SIGLEC9: variants seen among roughly 807,000 people sequenced by gnomAD.
SIGLEC9 encodes the protein sialic acid-binding Ig-like lectin 9.
Under a neutral mutation model 38.3 loss-of-function variants are expected in SIGLEC9, and 26 were observed. The ratio of observed to expected loss-of-function variants is 0.68; its 90% CI spans 0.50 to 0.94. SIGLEC9 has a LOEUF of 0.94. Ranked by LOEUF, SIGLEC9 falls within the 40% of genes least tolerant of loss-of-function variation. The probability of loss-of-function intolerance (pLI) is 0.00; values close to 1 mark genes in which losing one functional copy is unlikely to be tolerated. For missense variants in SIGLEC9, 556 were observed against 585.7 expected, an observed-to-expected ratio of 0.95 and a Z score of 0.52; for synonymous variants, 236 against 248.0, an observed-to-expected ratio of 0.95 and a Z score of 0.45.
At chr19:51,128,540 A>C in intron 6 of SIGLEC9, 30 bp downstream of exon 6, 2 of 1,602,158 alleles carry the variant, frequency 1.2e-6, no homozygotes, top group Non-Finnish European at 1.7e-6. Context: ...CACAGCCAGC[A>C]TGTAGCCTGG....
At chr19:51,127,616 A>T (rs908603249) in intron 4 of SIGLEC9, among the ~76,000 whole-genome samples, 1 of 152,130 alleles carries the variant, frequency 6.6e-6, no homozygotes, top group East Asian at 1.9e-4. Context: ...GCATCAAATT[A>T]AAAAAAAGAA....
At chr19:51,125,471 GC>G in intron 1 of SIGLEC9, 76 bp downstream of exon 1, 2 of 1,547,430 alleles carry the variant, frequency 1.3e-6, no homozygotes, top group South Asian at 2.5e-5. Flanking sequence ...TGGAGCCCCT[GC>G]CCCAGGAGAG....
At position 51,125,004 on chromosome 19, in the gene SIGLEC9, G is replaced by A; in HGVS notation, c.30G>A (p.Trp10Ter). 8 of 1,611,076 alleles carry A rather than the reference G, an allele frequency of 5.0e-6. No individual in the cohort carries two copies. The highest frequency in any genetic ancestry group is 6.8e-6 in the Non-Finnish European group (8 of 1,178,084). The change falls in exon 1 of 7, where the codon TGG becomes TGA. Residue 10 changes from tryptophan to a stop codon, truncating the protein, a stop_gained. Transcript: ENST00000250360. LOFTEE classifies it high-confidence loss of function. ...TGCTGCTGCTGCTGCCCCTGCTCTG[G>A]GGGAGGGAGAGGGCGGAAGGACAGA... is the stretch of plus-strand genomic sequence containing the variant. MLLLLLPLLWGRERAEGQTS... is the reference protein window; with the variant it reads MLLLLLPLL
chr19:51,128,657 T>C (rs1403122216), intron 6 of SIGLEC9, 147 bp downstream of exon 6: 2 of 704,472 alleles, frequency 2.8e-6, no homozygotes, highest in East Asian at 2.8e-5. Flanking sequence ...CAATGTTTGG[T>C]TGGTTTCCTC....
intron 6 of SIGLEC9, among the ~76,000 whole-genome samples, chr19:51,129,198 G>C (rs1016765822): frequency 1.4e-5 from 2 of 137,986 alleles, no homozygotes; most frequent in Non-Finnish European, 3.0e-5. Context: ...TTGCTCTGTC[G>C]CCCAGGCTGG....
downstream of SIGLEC9, among the ~76,000 whole-genome samples, chr19:51,131,185 T>C (rs548869478): frequency 1.3e-4 from 20 of 152,296 alleles, no homozygotes; most frequent in Middle Eastern, 0.017. Flanking sequence ...GCAGTAGCCC[T>C]GATAGGAAGA....
rs145816740 is a variant in SIGLEC9 at position 51,128,583 on chromosome 19, C to G, written c.1203+73C>G. 2.0e-4 allele frequency: 281 copies of G among 1,374,472 alleles called. 1 individual carries two copies. In the African/African-American group the frequency reaches 3.8e-3, roughly 19 times the overall value. The allele number at this position is 1,374,472 out of a possible 1,614,324, so 85.1% of individuals were successfully genotyped here. On this transcript the variant is annotated intron_variant, in intron 6 of 6. Coordinates refer to ENST00000250360, the MANE Select transcript of SIGLEC9 (RefSeq NM_014441.3). Reference sequence around the variant, plus strand: ...CCACAGGATGACCCCCAGGACTAATCAGCTGGGCGTAGCCAAAGTTACCTC... The same window carrying G: ...CCACAGGATGACCCCCAGGACTAATGAGCTGGGCGTAGCCAAAGTTACCTC...
chr19:51,132,044 T>A (rs535414799), downstream of SIGLEC9, among the ~76,000 whole-genome samples: 32 of 152,186 alleles, frequency 2.1e-4, no homozygotes, highest in Non-Finnish European at 3.8e-4. Context: ...GGTCCCGGGA[T>A]TGGATCCCTC....
At chr19:51,135,350 G>A (rs1329808018) in intron 6 of SIGLEC9, among the ~76,000 whole-genome samples, 1 of 152,068 alleles carries the variant, frequency 6.6e-6, no homozygotes, top group Non-Finnish European at 1.5e-5. Flanking sequence ...AGTTTGGCAG[G>A]GTATGAAAAT....
Position 51,127,033 on chromosome 19 carries a change from CCA to C in SIGLEC9, c.755_756del (p.Thr252SerfsTer23), listed in dbSNP as rs1448461934. On this transcript the variant is annotated frameshift_variant, in exon 4 of 7. Coordinates refer to ENST00000250360, the MANE Select transcript of SIGLEC9 (RefSeq NM_014441.3). LOFTEE classifies it high-confidence loss of function. ...CCCTCTGTCTCTTTTTCTACAGTAT[CCA>C]CAGTCTTGGGAAATGGCTCATCTCT... 1 of 1,613,852 alleles carries C rather than the reference CCA, an allele frequency of 6.2e-7. No homozygotes were observed. Among genetic ancestry groups the C allele is most frequent in the South Asian group, 1.1e-5 (1 of 91,068 alleles).
chr19:51,131,785 G>A (rs979635095), downstream of SIGLEC9, among the ~76,000 whole-genome samples: 3 of 151,666 alleles, frequency 2.0e-5, no homozygotes, highest in Non-Finnish European at 2.9e-5. Flanking sequence ...GCGAGGTGGC[G>A]TATGCCTGTA....
At chr19:51,128,106 C>A in intron 5 of SIGLEC9, 67 bp downstream of exon 5, 1 of 1,324,682 alleles carries the variant, frequency 7.5e-7, no homozygotes, top group Non-Finnish European at 1.1e-6. Flanking sequence ...AAGCTGGATC[C>A]CTGAAGCCAG....
At chr19:51,129,138 C>CTTTTTTTTTTTTTTTTT (rs1220098385) in intron 6 of SIGLEC9, among the ~76,000 whole-genome samples, 1 of 142,664 alleles carries the variant, frequency 7.0e-6, no homozygotes. Context: ...CACATTCTGA[C>CTTTTTTTTTTTTTTTTT]TTTTTTTGTT....
At position 51,125,216 on chromosome 19, in the gene SIGLEC9, G is replaced by T. The variant is rs151265101; in HGVS notation, c.242G>T (p.Arg81Leu). The T allele has an allele frequency of 1.2e-6, 2 of 1,614,092 alleles. No homozygotes were observed. Among genetic ancestry groups the T allele is most frequent in the Admixed American group, 3.3e-5 (2 of 60,016 alleles). The change falls in exon 1 of 7, where the codon CGG becomes CTG. Residue 81 changes from arginine to leucine, a missense_variant. By Grantham distance (102) the Arg-to-Leu change is moderately radical. Coordinates refer to ENST00000250360, the MANE Select transcript of SIGLEC9 (RefSeq NM_014441.3). The stretch of plus-strand genomic sequence containing the variant: ...CCAGTGGCCACAAACAACCCAGCTC[G>T]GGCAGTGTGGGAGGAGACTCGGGAC... ...DAPVATNNPA[R>L]AVWEETRDRF... is the part of the protein sequence containing the mutation.
In SIGLEC9 at chr19:51,125,261, A is replaced by T. The variant is rs780173710; in HGVS notation, c.287A>T (p.Asp96Val). ...CGGGACCGATTCCACCTCCTTGGGG[A>T]CCCACATACCAAGAATTGCACCCTG... is the stretch of plus-strand genomic sequence containing the variant. ...ETRDRFHLLG[D>V]PHTKNCTLSI... Residue 96 changes from aspartate to valine, a missense_variant, in exon 1 of 7, where the codon GAC (aspartate) becomes GTC (valine). By Grantham distance (152) the Asp-to-Val change is radical. Coordinates refer to ENST00000250360, the MANE Select transcript of SIGLEC9 (RefSeq NM_014441.3). The T allele has an allele frequency of 1.2e-6, 2 of 1,613,994 alleles. No homozygotes were observed. The highest frequency in any genetic ancestry group is 1.7e-6 in the Non-Finnish European group (2 of 1,179,972).
At chr19:51,130,813 A>G (rs1226070471), downstream of SIGLEC9, among the ~76,000 whole-genome samples, 2 of 152,118 alleles carry the variant, frequency 1.3e-5, no homozygotes, top group African/African-American at 4.8e-5. Context: ...CCACTCCTCC[A>G]TCTTCACCAC....
downstream of SIGLEC9, among the ~76,000 whole-genome samples, chr19:51,132,392 G>T (rs1189742758): frequency 6.6e-6 from 1 of 152,122 alleles, no homozygotes; most frequent in Non-Finnish European, 1.5e-5. Context: ...AAATACTGAG[G>T]CACCGTGTGC....
rs1191622947 is a variant in SIGLEC9 at position 51,125,160 on chromosome 19, C to T, written c.186C>T (p.Phe62=). The change falls in exon 1 of 7, where the codon TTC becomes TTT. Residue 62 remains phenylalanine (F), a synonymous_variant. Transcript: ENST00000250360. ...YPGPVVHGYW[F]REGANTDQDA... ...GCCCAGTAGTTCATGGCTACTGGTT[C>T]CGGGAAGGGGCCAATACAGACCAGG... is the stretch of plus-strand genomic sequence containing the variant. 6.2e-7 allele frequency: 1 copy of T among 1,614,026 alleles called. No homozygotes were observed. The highest frequency in any genetic ancestry group is 1.1e-5 in the South Asian group (1 of 91,072).
chr19:51,131,915 C>CAA (rs534454904), downstream of SIGLEC9, among the ~76,000 whole-genome samples: 2,570 of 117,404 alleles, frequency 0.022, 92 homozygotes, highest in African/African-American at 0.068. Flanking sequence ...GAGTCTGTGT[C>CAA]AAAAAAAAAA....
Sources: gnomAD v4.1 joint callset for allele counts (sites outside exome capture counted in the v4.1 genomes callset) on GRCh38, gnomAD v4.1.1 for gene constraint, MANE v1.5 for transcripts, NCBI Gene and HGNC (gene_info 2026-07-23, HGNC 2026-07-21) for gene names.